Variants in PCTP observed in about 807,000 individuals in gnomAD.
PCTP encodes START domain-containing protein 2.
Under a neutral mutation model 31.0 loss-of-function variants are expected in PCTP, and 27 were observed. That is an observed-to-expected ratio of 0.87 (90% CI 0.64 to 1.20). PCTP has a LOEUF of 1.20. Ranked by LOEUF, PCTP falls within the 50% of genes most tolerant of loss-of-function variation. PCTP has a pLI of 0.00. For synonymous variants in PCTP, 108 were observed against 101.2 expected, an observed-to-expected ratio of 1.07 and a Z score of -0.40; for missense variants, 287 against 268.2, an observed-to-expected ratio of 1.07 and a Z score of -0.49.
At chr17:55,771,506 A>G (rs1216037849) in intron 3 of PCTP, among the ~76,000 whole-genome samples, 2 of 152,164 alleles carry the variant, frequency 1.3e-5, no homozygotes, top group African/African-American at 4.8e-5. Flanking sequence ...TCTTATAAAA[A>G]GTGCTTGTTA....
intron 1 of PCTP, among the ~76,000 whole-genome samples, chr17:55,757,573 A>G (rs1180399456): frequency 2.6e-5 from 4 of 151,998 alleles, no homozygotes; most frequent in East Asian, 1.9e-4. Context: ...GTGTGTGTAT[A>G]TATACTAATC....
At chr17:55,770,887 T>G in intron 2 of PCTP, 1 of 380,304 alleles carries the variant, frequency 2.6e-6, no homozygotes. Context: ...ACCTGGCTGA[T>G]TTTTTTGCTT....
chr17:55,831,416 T>A (rs1241863735), intron 5 of PCTP, among the ~76,000 whole-genome samples: 1 of 152,178 alleles, frequency 6.6e-6, no homozygotes, highest in African/African-American at 2.4e-5. Context: ...CCTGGCTCCA[T>A]GCCCTCCCTG....
At chr17:55,757,529 TATA>T (rs1238868906) in intron 1 of PCTP, among the ~76,000 whole-genome samples, 5 of 134,590 alleles carry the variant, frequency 3.7e-5, no homozygotes, top group African/African-American at 1.3e-4. Flanking sequence ...TACACACACA[TATA>T]GTATATATGA....
intron 3 of PCTP, among the ~76,000 whole-genome samples, chr17:55,792,864 A>G (rs1912051059): frequency 6.6e-6 from 1 of 152,216 alleles, no homozygotes; most frequent in South Asian, 2.1e-4. Flanking sequence ...AGCAATAGAG[A>G]TGGATGCTCA....
chr17:55,785,135 A>G (rs918743085), intron 2 of PCTP, among the ~76,000 whole-genome samples: 1 of 152,252 alleles, frequency 6.6e-6, no homozygotes, highest in South Asian at 2.1e-4. Context: ...CCAAGATTAA[A>G]TTGTAAAATA....
At position 55,751,162 on chromosome 17, in the gene PCTP, T is replaced by A. The variant is rs764310856; in HGVS notation, c.59T>A (p.Leu20His). 6.5e-7 allele frequency: 1 copy of A among 1,548,298 alleles called. No individual in the cohort carries two copies. The highest frequency in any genetic ancestry group is 1.2e-5 in the South Asian group (1 of 83,886). The change falls in exon 1 of 6, where the codon CTC (leucine) becomes CAC (histidine). Residue 20 changes from leucine (L) to histidine (H), a missense_variant. Transcript: ENST00000268896. ...EEQFWEACAE[L>H]QQPALAGADW... Reference sequence around the variant, plus strand: ...CAGTTCTGGGAGGCCTGCGCCGAGCTCCAGCAGCCCGCTCTGGCCGGGGCC... The same window carrying A: ...CAGTTCTGGGAGGCCTGCGCCGAGCACCAGCAGCCCGCTCTGGCCGGGGCC...
At chr17:55,792,273 T>A (rs1407118046) in intron 3 of PCTP, among the ~76,000 whole-genome samples, 2 of 150,402 alleles carry the variant, frequency 1.3e-5, no homozygotes, top group Non-Finnish European at 3.0e-5. Context: ...AACCTGCACA[T>A]TGTGCACATG....
intron 3 of PCTP, among the ~76,000 whole-genome samples, chr17:55,799,212 A>C (rs1912286833): frequency 6.6e-6 from 1 of 151,998 alleles, no homozygotes; most frequent in Admixed American, 6.6e-5. Flanking sequence ...CAAACAGACA[A>C]AGATTTTTAG....
chr17:55,812,606 C>T (rs938991521), intron 3 of PCTP, among the ~76,000 whole-genome samples: 1 of 152,224 alleles, frequency 6.6e-6, no homozygotes, highest in Admixed American at 6.5e-5. Context: ...CCAGTGGAGC[C>T]CATTCAGCCA....
the PCTP span, among the ~76,000 whole-genome samples, chr17:55,852,179 C>T: frequency 1.9e-4 from 29 of 152,178 alleles, no homozygotes; most frequent in African/African-American, 6.7e-4. Flanking sequence ...ACTAGAATCT[C>T]AGAATAAGTG....
chr17:55,851,517 G>A, the PCTP span, among the ~76,000 whole-genome samples: 119 of 151,990 alleles, frequency 7.8e-4, 1 homozygote, highest in African/African-American at 2.7e-3. Flanking sequence ...TTTTCTTTTC[G>A]TTTTAAAGGA....
intron 1 of PCTP, among the ~76,000 whole-genome samples, chr17:55,752,560 A>G (rs1597966955): frequency 1.3e-5 from 2 of 152,212 alleles, no homozygotes; most frequent in African/African-American, 2.4e-5. Context: ...GTCTAAATAC[A>G]TATATATTTG....
intron 3 of PCTP, chr17:55,787,792 A>C (rs768321887): frequency 1.1e-4 from 16 of 152,204 alleles, no homozygotes; most frequent in Non-Finnish European, 2.2e-4. Flanking sequence ...CACATTCTCC[A>C]TTGTTGTTTC....
downstream of PCTP, among the ~76,000 whole-genome samples, chr17:55,781,602 TA>T (rs1911566629): frequency 6.6e-6 from 1 of 152,078 alleles, no homozygotes; most frequent in Admixed American, 6.6e-5. Context: ...TACCACTAAC[TA>T]AAAACAAATA....
At chr17:55,814,678 C>A (rs1007194077) in intron 3 of PCTP, among the ~76,000 whole-genome samples, 3 of 152,228 alleles carry the variant, frequency 2.0e-5, no homozygotes, top group Non-Finnish European at 4.4e-5. Flanking sequence ...CTTGCACTGT[C>A]ATGGAAGGCA....
chr17:55,800,206 A>G (rs1912328098), intron 3 of PCTP, among the ~76,000 whole-genome samples: 1 of 152,090 alleles, frequency 6.6e-6, no homozygotes, highest in African/African-American at 2.4e-5. Flanking sequence ...ACTTTCAGGT[A>G]CACCAATCAA....
At chr17:55,779,235 T>C (rs1175400923), downstream of PCTP, among the ~76,000 whole-genome samples, 1 of 152,216 alleles carries the variant, frequency 6.6e-6, no homozygotes, top group Non-Finnish European at 1.5e-5. Flanking sequence ...GTGCCTGCCC[T>C]TAAGGTGCTT....
At chr17:55,842,802 A>G (rs1026971522) in exon 6 of PCTP, 2 of 152,272 alleles carry the variant, frequency 1.3e-5, no homozygotes, top group Non-Finnish European at 2.9e-5. Flanking sequence ...TCATAGAGGC[A>G]GCGGCGGATG....
Sources: gnomAD v4.1 joint callset for allele counts (sites outside exome capture counted in the v4.1 genomes callset) on GRCh38, gnomAD v4.1.1 for gene constraint, MANE v1.5 for transcripts, NCBI Gene and HGNC (gene_info 2026-07-23, HGNC 2026-07-21) for gene names.